The following DOCK1 variants were observed in gnomAD, a reference collection of about 807,000 sequenced individuals.
The protein encoded by DOCK1 is dedicator of cytokinesis 1, also known as dedicator of cytokinesis protein 1.
In DOCK1, 138 loss-of-function variants were observed where a neutral mutation model predicts 262.7. The ratio of observed to expected loss-of-function variants is 0.53; its 90% CI spans 0.46 to 0.61. The LOEUF (loss-of-function observed/expected upper bound fraction) is 0.61, where lower values mean the gene tolerates loss of function less well. Among genes scored for constraint, DOCK1 ranks in the 20% least tolerant of loss-of-function variants. DOCK1 has a pLI of 0.00. For missense variants in DOCK1, 1,908 were observed against 2,370.7 expected (o/e 0.80, Z 4.05); for synonymous variants, 866 against 867.4 (o/e 1.00, Z 0.03).
chr10:127,121,999 T>A (rs971259772), intron 25 of DOCK1, among the ~76,000 whole-genome samples: 2 of 152,226 alleles, frequency 1.3e-5, no homozygotes, highest in African/African-American at 4.8e-5. Context: ...TCTGCTCTTA[T>A]GGAGATTGCA....
chr10:126,974,659 C>T (rs367629901), intron 2 of DOCK1, among the ~76,000 whole-genome samples: 1 of 152,170 alleles, frequency 6.6e-6, no homozygotes, highest in Non-Finnish European at 1.5e-5. Flanking sequence ...CGGTGCAAAA[C>T]CTCTGCCGGG....
chr10:127,116,599 A>G (rs533207804), intron 25 of DOCK1, among the ~76,000 whole-genome samples: 1 of 152,340 alleles, frequency 6.6e-6, no homozygotes, highest in South Asian at 2.1e-4. Context: ...CGTGTTTAAA[A>G]CAAACCCATA....
chr10:127,028,628 T>C (rs2043039668), intron 16 of DOCK1, among the ~76,000 whole-genome samples: 1 of 152,150 alleles, frequency 6.6e-6, no homozygotes, highest in Non-Finnish European at 1.5e-5. Context: ...CCTTTGGCTT[T>C]TATTGAGTTC....
intron 49 of DOCK1, 125 bp from the exon 50 acceptor site, chr10:127,444,001 C>T (rs1403366726): frequency 7.8e-7 from 1 of 1,275,938 alleles, no homozygotes; most frequent in African/African-American, 1.5e-5. Context: ...TGCAAAGACC[C>T]TATTTCCAGT....
At chr10:127,055,281 C>G (rs1305788147) in intron 22 of DOCK1, among the ~76,000 whole-genome samples, 1 of 152,182 alleles carries the variant, frequency 6.6e-6, no homozygotes, top group Non-Finnish European at 1.5e-5. Flanking sequence ...CCCCACCATC[C>G]TTAGTGGGGT....
At chr10:127,227,139 C>T (rs1003909154) in intron 27 of DOCK1, among the ~76,000 whole-genome samples, 2 of 152,212 alleles carry the variant, frequency 1.3e-5, no homozygotes, top group Non-Finnish European at 2.9e-5. Context: ...TTGACTCCCA[C>T]AGCTGACCTG....
In DOCK1 at chr10:126,942,504, C is replaced by T. The variant is rs943774191; in HGVS notation, c.47-28198C>T. On this transcript the variant is annotated intron_variant, in intron 1 of 51. Coordinates refer to ENST00000623213, the MANE Select transcript of DOCK1 (RefSeq NM_001290223.2). Reference sequence around the variant, plus strand: ...TGGCAGGTAGAACAGTAGAATAAATCGTGAAGACCTACAAGCGTTAGAATG... The same window carrying T: ...TGGCAGGTAGAACAGTAGAATAAATTGTGAAGACCTACAAGCGTTAGAATG... 1.6e-3 allele frequency among the ~76,000 whole-genome samples: 245 copies of T among 152,192 alleles called. 2 individuals are homozygous for T. Among genetic ancestry groups the T allele is most frequent in the Middle Eastern group, 3.4e-3 (1 of 294 alleles).
intron 29 of DOCK1, among the ~76,000 whole-genome samples, chr10:127,259,276 A>G (rs925426902): frequency 6.6e-6 from 1 of 152,188 alleles, no homozygotes; most frequent in Non-Finnish European, 1.5e-5. Flanking sequence ...TCAGCTTCTC[A>G]GTCGTCATCT....
At chr10:127,271,028 C>T (rs950045400) in intron 29 of DOCK1, among the ~76,000 whole-genome samples, 4 of 150,738 alleles carry the variant, frequency 2.7e-5, no homozygotes, top group Non-Finnish European at 4.4e-5. Context: ...TGTATATATA[C>T]ACACACACAC....
chr10:127,345,670 C>T (rs568652395), intron 31 of DOCK1, among the ~76,000 whole-genome samples: 30 of 152,290 alleles, frequency 2.0e-4, no homozygotes, highest in African/African-American at 7.2e-4. Context: ...ACTACCGAAG[C>T]GGCACGCAGC....
rs779567872 is a variant in DOCK1, at chr10:127,125,456, A to G, written c.2624-18A>G. ...TTGGTGGGTTTCACACTGACTGGCA[A>G]TGCTGTGTCCTGTGTAGACTGCAGA... On this transcript the variant is annotated intron_variant, in intron 25 of 51. Coordinates refer to ENST00000623213, the MANE Select transcript of DOCK1 (RefSeq NM_001290223.2). 2.5e-6 allele frequency: 4 copies of G among 1,611,762 alleles called. No individual in the cohort carries two copies. The South Asian group carries it at 3.3e-5, about 13-fold the overall frequency.
intron 27 of DOCK1, among the ~76,000 whole-genome samples, chr10:127,229,321 A>T (rs1480756365): frequency 6.6e-6 from 1 of 152,162 alleles, no homozygotes; most frequent in Non-Finnish European, 1.5e-5. Flanking sequence ...AGTCACCGTG[A>T]TGTAGACTTC....
At chr10:127,140,034 C>T (rs1233711496) in intron 27 of DOCK1, among the ~76,000 whole-genome samples, 1 of 152,136 alleles carries the variant, frequency 6.6e-6, no homozygotes, top group African/African-American at 2.4e-5. Context: ...AAGCGTAATT[C>T]TACCAAGGTG....
chr10:127,168,107 A>T (rs1212902534), intron 27 of DOCK1, among the ~76,000 whole-genome samples: 2 of 152,164 alleles, frequency 1.3e-5, no homozygotes, highest in Non-Finnish European at 1.5e-5. Flanking sequence ...AAGCCTGTGC[A>T]CGCAGGTCAG....
chr10:127,121,000 A>G (rs1199727262), intron 25 of DOCK1, among the ~76,000 whole-genome samples: 1 of 152,130 alleles, frequency 6.6e-6, no homozygotes, highest in African/African-American at 2.4e-5. Flanking sequence ...TGCACATTAG[A>G]AAAATTAAGA....
chr10:127,248,244 C>A, intron 28 of DOCK1, 135 bp downstream of exon 28: 1 of 802,230 alleles, frequency 1.2e-6, no homozygotes, highest in Non-Finnish European at 2.0e-6. Flanking sequence ...CAAATGCCTC[C>A]TGGGAAGGTC....
intron 1 of DOCK1, among the ~76,000 whole-genome samples, chr10:126,948,629 C>T (rs1350519859): frequency 6.6e-6 from 1 of 151,902 alleles, no homozygotes; most frequent in African/African-American, 2.4e-5. Context: ...GGAAAGTTTC[C>T]CGATGTGGGG....
intron 40 of DOCK1, among the ~76,000 whole-genome samples, chr10:127,406,718 C>T (rs1182788155): frequency 3.3e-5 from 5 of 152,180 alleles, no homozygotes; most frequent in Admixed American, 1.3e-4. Context: ...ACTATATGTA[C>T]ATTTCCCCCT....
At position 127,433,448 on chromosome 10, in the gene DOCK1, G is replaced by C; in HGVS notation, c.5060+20G>C. 6.2e-7 allele frequency: 1 copy of C among 1,613,338 alleles called. No homozygotes were observed. The highest frequency in any genetic ancestry group is 8.5e-7 in the Non-Finnish European group (1 of 1,179,548). On this transcript the variant is annotated intron_variant, in intron 48 of 51. Coordinates refer to ENST00000623213, the MANE Select transcript of DOCK1 (RefSeq NM_001290223.2). ...CGACGGGTGAGTCAAGCTCACAGCA[G>C]GGCTGAGCTGAGCAGTGAGGGCTTG...
Sources: gnomAD v4.1 joint callset for allele counts (sites outside exome capture counted in the v4.1 genomes callset) on GRCh38, gnomAD v4.1.1 for gene constraint, MANE v1.5 for transcripts, NCBI Gene and HGNC (gene_info 2026-07-23, HGNC 2026-07-21) for gene names.